The following MIA3 variants were observed in gnomAD, a reference collection of about 807,000 sequenced individuals.
MIA3 encodes the protein transport and Golgi organization protein 1 homolog.
MIA3 carries 90 observed loss-of-function variants against 192.4 expected under a neutral mutation model. That is an observed-to-expected ratio of 0.47 (90% confidence interval 0.39 to 0.56). MIA3 has a LOEUF of 0.56. Ranked by LOEUF, MIA3 falls within the 20% of genes least tolerant of loss-of-function variation. The pLI is 0.00. For synonymous variants in MIA3, 740 were observed against 792.8 expected, an observed-to-expected ratio of 0.93 and a Z score of 1.12; for missense variants, 2,123 against 2,269.4, an observed-to-expected ratio of 0.94 and a Z score of 1.31.
rs1234739909 is a variant in MIA3, at chr1:222,662,451, A to G, written c.5262+119A>G. 1.9e-6 allele frequency: 3 copies of G among 1,548,998 alleles called. No homozygotes were observed. The East Asian group carries it at 6.8e-5, about 35-fold the overall frequency. On this transcript the variant is annotated intron_variant, in intron 26 of 27. Coordinates refer to ENST00000344922, the MANE Select transcript of MIA3 (RefSeq NM_198551.4). ...ATCTGTACTATCTCATTTATTTTTT[A>G]AAAAAGCAAACTGTTCTCCAAGAGC... is the stretch of plus-strand genomic sequence containing the variant.
Position 222,645,567 on chromosome 1 carries a change from T to C in MIA3, c.3491T>C (p.Leu1164Ser). The change falls in exon 7 of 28, where the codon TTG becomes TCG. Residue 1164 changes from leucine (L) to serine (S), a missense_variant. Leu to Ser is a moderately radical substitution (Grantham distance 145, BLOSUM62 -2). Around this residue, in one of 3 missense-constraint regions of MIA3, gnomAD observed 1,357 missense variants for 1,396.1 expected, o/e 0.97. Coordinates refer to ENST00000344922, the MANE Select transcript of MIA3 (RefSeq NM_198551.4). ...FYLTKSLVATLPDDVQPGPDF... is the reference protein window; with the variant it reads ...FYLTKSLVATSPDDVQPGPDF... The stretch of plus-strand genomic sequence containing the variant: ...TCTAACATTCAGCTAGTTGCTACAT[T>C]GCCTGATGATGTTCAGCCTGGGCCT... 6.2e-7 allele frequency: 1 copy of C among 1,610,946 alleles called. No homozygotes were observed. Among genetic ancestry groups the C allele is most frequent in the South Asian group, 1.1e-5 (1 of 90,552 alleles).
At position 222,665,846 on chromosome 1, in the gene MIA3, G is replaced by A. The variant is rs2124939669; in HGVS notation, c.*227G>A. The A allele has an allele frequency of 5.1e-6, 2 of 394,038 alleles. No individual in the cohort carries two copies. The highest frequency in any genetic ancestry group is 8.9e-6 in the Non-Finnish European group (2 of 225,362). The allele number at this position is 394,038 out of a possible 1,614,324, so 24.4% of individuals were successfully genotyped here. A position where few individuals can be genotyped will look rare whatever the true frequency, so the allele number is the denominator to read the frequency against. ...TAGAGCGTCCTTACAACTTTGAAAT[G>A]TGCAATAAAGAATACCTGTGTTTTA... On this transcript the variant is annotated 3_prime_UTR_variant, in exon 28 of 28. Coordinates refer to ENST00000344922, the MANE Select transcript of MIA3 (RefSeq NM_198551.4).
intron 6 of MIA3, among the ~76,000 whole-genome samples, 156 bp from the exon 7 acceptor site, chr1:222,645,398 G>A (rs1403732731): frequency 6.6e-6 from 1 of 152,200 alleles, no homozygotes; most frequent in Admixed American, 6.5e-5. Flanking sequence ...CCAGTATCCT[G>A]TTTTTCTTAA....
chr1:222,649,834 A>G (rs550426444), intron 8 of MIA3: 2 of 174,614 alleles, frequency 1.1e-5, no homozygotes, highest in Non-Finnish European at 2.5e-5. Flanking sequence ...TCTGCAGGCT[A>G]TAGGAAGTAT....
rs1303045867 is a variant in MIA3 at position 222,632,273 on chromosome 1, C to T, written c.3278C>T (p.Thr1093Ile). 6.2e-7 allele frequency: 1 copy of T among 1,614,080 alleles called. No individual in the cohort carries two copies. Residue 1093 changes from threonine to isoleucine, a missense_variant, in exon 5 of 28, where the codon ACT becomes ATT. Physicochemically the swap from Thr to Ile is moderately conservative, Grantham distance 89. Around this residue, in one of 3 missense-constraint regions of MIA3, gnomAD observed 1,357 missense variants for 1,396.1 expected, o/e 0.97. Coordinates refer to ENST00000344922, the MANE Select transcript of MIA3 (RefSeq NM_198551.4). The part of the protein sequence containing the change: ...THLDQRVIGD[T>I]HASEVSQKPN... ...TTGGACCAACGTGTGATTGGGGACA[C>T]TCATGCCTCAGAAGTGTCACAGAAG...
rs367648164 is a variant in MIA3, at chr1:222,626,520, GT to G, written c.355-1049del. ...TAGGGGAAGAAAGTTATCTTTGTTG[GT>G]TTTTTAACTTTTCCATCATTTTATG... is the stretch of plus-strand genomic sequence containing the variant. On this transcript the variant is annotated intron_variant, in intron 3 of 27. Transcript: ENST00000344922. Among the ~76,000 whole-genome samples the G allele has an allele frequency of 4.1e-4, 63 of 152,264 alleles. No homozygotes were observed. The East Asian group carries it at 0.011, about 27-fold the overall frequency.
intron 6 of MIA3, among the ~76,000 whole-genome samples, chr1:222,640,362 A>G (rs1662798267): frequency 6.6e-6 from 1 of 152,130 alleles, no homozygotes; most frequent in Non-Finnish European, 1.5e-5. Flanking sequence ...AGGACCTAGA[A>G]TAGCCCAAGC....
intron 2 of MIA3, among the ~76,000 whole-genome samples, chr1:222,622,816 T>G (rs1661934706): frequency 6.6e-6 from 1 of 152,216 alleles, no homozygotes; most frequent in Non-Finnish European, 1.5e-5. Context: ...TTTTGCTCAT[T>G]CACGTCTTCA....
Position 222,660,212 on chromosome 1 carries a change from C to G in MIA3, c.5011C>G (p.Pro1671Ala), listed in dbSNP as rs1361663174. The change falls in exon 24 of 28, where the codon CCT (proline) becomes GCT (alanine). Residue 1671 changes from proline to alanine, a missense_variant. Pro to Ala is a conservative substitution (Grantham distance 27). This residue lies in a region of MIA3 where 762 missense variants were observed against 856.4 expected (regional missense o/e 0.89). Coordinates refer to ENST00000344922, the MANE Select transcript of MIA3 (RefSeq NM_198551.4). Reference protein sequence around the residue: ...LSQNGSFGPSPVSGGECSPPL... With the variant: ...LSQNGSFGPSAVSGGECSPPL... Reference sequence around the variant, plus strand: ...CCAGAATGGCTCTTTTGGCCCATCCCCTGTGAGTGGTGGAGAATGCTCCCC... The same window carrying G: ...CCAGAATGGCTCTTTTGGCCCATCCGCTGTGAGTGGTGGAGAATGCTCCCC... The G allele has an allele frequency of 1.2e-6, 2 of 1,614,032 alleles. No homozygotes were observed. Among genetic ancestry groups the G allele is most frequent in the Admixed American group, 1.7e-5 (1 of 59,998 alleles).
At chr1:222,659,396 T>C in intron 19 of MIA3, 57 bp from the exon 20 acceptor site, 1 of 1,474,738 alleles carries the variant, frequency 6.8e-7, no homozygotes, top group Non-Finnish European at 9.5e-7. Context: ...CATAGTCAGA[T>C]TGTTTGGGTT....
At chr1:222,653,378 T>C (rs765666151) in intron 15 of MIA3, 39 bp downstream of exon 15, 16 of 1,410,414 alleles carry the variant, frequency 1.1e-5, no homozygotes, top group Non-Finnish European at 1.5e-5. Flanking sequence ...CCTTTTGCCT[T>C]CCTGTCTTTA....
rs1558180095 is a variant in MIA3, at chr1:222,633,373, A to C, written c.3477+124A>C. On this transcript the variant is annotated intron_variant, in intron 6 of 27. Coordinates refer to ENST00000344922, the MANE Select transcript of MIA3 (RefSeq NM_198551.4). ...ACCTGACTCCTGATCCTTTGAAGAGAGACCCTGAAATGAGCCACAGGTGTG... is the reference window on the plus strand; with the variant it reads ...ACCTGACTCCTGATCCTTTGAAGAGCGACCCTGAAATGAGCCACAGGTGTG... The C allele has an allele frequency of 3.7e-6, 3 of 818,618 alleles. No homozygotes were observed. The East Asian group carries it at 8.1e-5, about 22-fold the overall frequency. The allele number at this position is 818,618 out of a possible 1,614,324, so 50.7% of individuals were successfully genotyped here. A position where few individuals can be genotyped will look rare whatever the true frequency, so the allele number is the denominator to read the frequency against.
intron 1 of MIA3, 99 bp downstream of exon 1, chr1:222,618,342 G>T: frequency 3.4e-6 from 4 of 1,169,506 alleles, no homozygotes; most frequent in South Asian, 3.0e-5. Context: ...GGCTGTGCGG[G>T]GACGGGAGTT....
intron 7 of MIA3, among the ~76,000 whole-genome samples, chr1:222,646,723 G>C (rs1367225927): frequency 2.0e-5 from 3 of 152,184 alleles, no homozygotes; most frequent in Admixed American, 2.0e-4. Flanking sequence ...GACAAAGTGA[G>C]ACTCTGTCTC....
chr1:222,618,328 C>T (rs1210404186), intron 1 of MIA3, 85 bp downstream of exon 1: 1 of 1,235,544 alleles, frequency 8.1e-7, no homozygotes, highest in Non-Finnish European at 1.0e-6. Flanking sequence ...GGCGGCGCCG[C>T]CTGGGCTGTG....
chr1:222,665,197 CAAAA>C (rs879011032), intron 27 of MIA3, 108 bp from the exon 28 acceptor site: 14,624 of 370,722 alleles, frequency 0.039, 1 homozygote, highest in Middle Eastern at 0.05. Context: ...ACCCTGCCGC[CAAAA>C]AAAAAAAAAA....
intron 26 of MIA3, among the ~76,000 whole-genome samples, chr1:222,663,771 A>G (rs1165273922): frequency 6.6e-6 from 1 of 152,186 alleles, no homozygotes; most frequent in African/African-American, 2.4e-5. Context: ...CCATTTGCAG[A>G]TGTAAGCAAT....
In MIA3 at chr1:222,659,361, G is replaced by A. The variant is rs1475574752; in HGVS notation, c.4710-92G>A. ...ATATTTCTGGATAAGCTCTATTAGG[G>A]TACAGTTGTTAGGGTAACGGTTAAC... On this transcript the variant is annotated intron_variant, in intron 19 of 27. Coordinates refer to ENST00000344922, the MANE Select transcript of MIA3 (RefSeq NM_198551.4). 2.7e-6 allele frequency: 3 copies of A among 1,112,156 alleles called. 1 individual carries two copies. The highest frequency in any genetic ancestry group is 2.7e-5 in the South Asian group (2 of 74,736). The allele number at this position is 1,112,156 out of a possible 1,614,324, so 68.9% of individuals were successfully genotyped here.
chr1:222,659,842 C>T (rs1216845205), intron 22 of MIA3, 41 bp downstream of exon 22: 3 of 1,608,494 alleles, frequency 1.9e-6, no homozygotes, highest in Non-Finnish European at 2.6e-6. Flanking sequence ...CGCGTGTTCT[C>T]TTAAGGAATT....
Sources: allele counts gnomAD v4.1 joint callset (sites outside exome capture counted in the v4.1 genomes callset), GRCh38; gene constraint gnomAD v4.1.1; regional missense constraint gnomAD v4.1.1; transcripts MANE v1.5; gene names NCBI Gene and HGNC (gene_info 2026-07-23, HGNC 2026-07-21).